Variants in CATSPERD observed in about 807,000 individuals in gnomAD.
CATSPERD encodes the protein cation channel sperm-associated auxiliary subunit delta.
Under a neutral mutation model 98.1 loss-of-function variants are expected in CATSPERD, and 86 were observed. The ratio of observed to expected loss-of-function variants is 0.88; its 90% CI spans 0.74 to 1.05. The LOEUF (loss-of-function observed/expected upper bound fraction) is 1.05. CATSPERD is among the 50% of genes least tolerant of loss of function. CATSPERD has a pLI of 0.00. For missense variants in CATSPERD, 995 were observed against 1,005.7 expected, an observed-to-expected ratio of 0.99 and a Z score of 0.14; for synonymous variants, 394 against 390.2, an observed-to-expected ratio of 1.01 and a Z score of -0.12.
intron 9 of CATSPERD, 33 bp downstream of exon 9, chr19:5,746,096 C>T (rs373573573): frequency 1.3e-6 from 2 of 1,597,892 alleles, no homozygotes; most frequent in Non-Finnish European, 1.7e-6. Context: ...GGGCTGCCGC[C>T]TGGTGGCCTC....
At chr19:5,756,035 C>A (rs779005944) in intron 13 of CATSPERD, among the ~76,000 whole-genome samples, 1 of 151,992 alleles carries the variant, frequency 6.6e-6, no homozygotes, top group Non-Finnish European at 1.5e-5. Context: ...AATCCCAGCA[C>A]TTTGGGAGGC....
At chr19:5,730,986 G>A (rs2055705042) in intron 4 of CATSPERD, among the ~76,000 whole-genome samples, 1 of 151,812 alleles carries the variant, frequency 6.6e-6, no homozygotes, top group Admixed American at 6.6e-5. Flanking sequence ...CAGCTATTCG[G>A]GAGGCTGAGG....
intron 20 of CATSPERD, among the ~76,000 whole-genome samples, chr19:5,773,215 G>A (rs1450113110): frequency 6.6e-6 from 1 of 152,160 alleles, no homozygotes; most frequent in South Asian, 2.1e-4. Flanking sequence ...AGTCGGGCAT[G>A]GTGGCGGACA....
At chr19:5,723,071 C>A in intron 1 of CATSPERD, among the ~76,000 whole-genome samples, 1 of 151,274 alleles carries the variant, frequency 6.6e-6, no homozygotes, top group Non-Finnish European at 1.5e-5. Context: ...CTTGTAGTCC[C>A]AGCTACTCGG....
chr19:5,752,942 C>T (rs898976265), intron 12 of CATSPERD, among the ~76,000 whole-genome samples: 11 of 150,832 alleles, frequency 7.3e-5, no homozygotes, highest in Non-Finnish European at 1.2e-4. Flanking sequence ...GCAGGAGAAT[C>T]GCTTGAACCT....
chr19:5,752,634 A>G (rs1023721680), intron 12 of CATSPERD, among the ~76,000 whole-genome samples: 2 of 152,182 alleles, frequency 1.3e-5, no homozygotes, highest in African/African-American at 4.8e-5. Flanking sequence ...AATTTGCCAG[A>G]AATACAAAAG....
At chr19:5,771,583 C>CTTTTTTTTT (rs143776994) in intron 19 of CATSPERD, among the ~76,000 whole-genome samples, 1 of 140,332 alleles carries the variant, frequency 7.1e-6, no homozygotes, top group South Asian at 2.3e-4. Flanking sequence ...TCTTCCTGTT[C>CTTTTTTTTT]TTTTTTTTTT....
At chr19:5,744,532 A>G in intron 8 of CATSPERD, 22 bp downstream of exon 8, 1 of 1,576,398 alleles carries the variant, frequency 6.3e-7, no homozygotes, top group Non-Finnish European at 8.7e-7. Flanking sequence ...CAGAGGGAAG[A>G]ACTACTCAGA....
At chr19:5,776,138 G>A in intron 20 of CATSPERD, 23 bp from the exon 21 acceptor site, 1 of 1,612,108 alleles carries the variant, frequency 6.2e-7, no homozygotes. Context: ...TAGGGCCAGT[G>A]GGCATGTCTC....
At chr19:5,772,688 A>G (rs1429648504) in intron 19 of CATSPERD, 100 bp from the exon 20 acceptor site, 2 of 1,231,608 alleles carry the variant, frequency 1.6e-6, no homozygotes, top group East Asian at 2.4e-5. Context: ...GTCACCTCCC[A>G]CCCCCCAAGC....
intron 7 of CATSPERD, 34 bp from the exon 8 acceptor site, chr19:5,744,393 T>C (rs2056055609): frequency 2.0e-6 from 3 of 1,537,222 alleles, no homozygotes; most frequent in Non-Finnish European, 2.7e-6. Flanking sequence ...TATTAAGATT[T>C]ATTCATCTGA....
intron 13 of CATSPERD, among the ~76,000 whole-genome samples, chr19:5,755,285 A>G (rs1420076434): frequency 1.3e-5 from 2 of 152,142 alleles, no homozygotes; most frequent in Non-Finnish European, 2.9e-5. Flanking sequence ...CATTAGCTGC[A>G]AGTACAGATG....
chr19:5,746,188 T>A (rs904764129), intron 9 of CATSPERD, 125 bp downstream of exon 9: 1 of 994,720 alleles, frequency 1.0e-6, no homozygotes, highest in Non-Finnish European at 1.5e-6. Context: ...TTCTCTTCCA[T>A]GTTCAGAGTG....
At chr19:5,750,883 TTC>T (rs2056199654) in intron 11 of CATSPERD, among the ~76,000 whole-genome samples, 1 of 151,766 alleles carries the variant, frequency 6.6e-6, no homozygotes, top group Non-Finnish European at 1.5e-5. Context: ...CTCTCTTCCT[TTC>T]TCTTTTCTTT....
intron 21 of CATSPERD, 62 bp downstream of exon 21, chr19:5,776,377 C>T (rs1312057125): frequency 3.2e-6 from 5 of 1,580,666 alleles, no homozygotes; most frequent in South Asian, 1.1e-5. Flanking sequence ...GCAGGTCACC[C>T]GTTTCGGGGG....
In CATSPERD at chr19:5,758,758, GA is replaced by G. The variant is rs372154578; in HGVS notation, c.1369-320del. 6.1e-3 allele frequency among the ~76,000 whole-genome samples: 908 copies of G among 147,764 alleles called. 15 individuals carry two copies. The highest frequency in any genetic ancestry group is 0.022 in the African/African-American group (877 of 40,132). ...ACTCAGTCTTAAAAAAAAAAGAGAA[GA>G]AAAAAAAGGCAAACATTAGCCAGGC... On this transcript the variant is annotated intron_variant, in intron 14 of 21. Coordinates refer to ENST00000381624, the MANE Select transcript of CATSPERD (RefSeq NM_152784.4).
At chr19:5,735,642 T>G (rs2055829100) in intron 5 of CATSPERD, among the ~76,000 whole-genome samples, 1 of 151,832 alleles carries the variant, frequency 6.6e-6, no homozygotes, top group Non-Finnish European at 1.5e-5. Flanking sequence ...CCAGCTAATT[T>G]TTGTATGTTT....
At chr19:5,745,422 C>T (rs1256503688) in intron 8 of CATSPERD, among the ~76,000 whole-genome samples, 1 of 151,902 alleles carries the variant, frequency 6.6e-6, no homozygotes, top group Admixed American at 6.6e-5. Flanking sequence ...AGTTTGAAAC[C>T]AGCCTGGCCA....
intron 11 of CATSPERD, among the ~76,000 whole-genome samples, chr19:5,750,237 A>G (rs2056180127): frequency 1.3e-5 from 2 of 149,714 alleles, no homozygotes; most frequent in Non-Finnish European, 3.0e-5. Flanking sequence ...TCACGAGTTC[A>G]GGAGATCGTG....
Sources: gnomAD v4.1 joint callset for allele counts (sites outside exome capture counted in the v4.1 genomes callset) on GRCh38, gnomAD v4.1.1 for gene constraint, MANE v1.5 for transcripts, NCBI Gene and HGNC (gene_info 2026-07-23, HGNC 2026-07-21) for gene names.